Variants in CDH12 observed in about 807,000 individuals in gnomAD.
CDH12 encodes the protein cadherin-12.
In CDH12, 41 loss-of-function variants were observed where a neutral mutation model predicts 74.1. The ratio of observed to expected loss-of-function variants is 0.55; its 90% CI spans 0.43 to 0.72. The LOEUF (loss-of-function observed/expected upper bound fraction) is 0.72, where lower values mean the gene tolerates loss of function less well. Among genes scored for constraint, CDH12 ranks in the 30% least tolerant of loss-of-function variants. CDH12 has a pLI of 0.00. For missense variants in CDH12, 945 were observed against 977.2 expected, an observed-to-expected ratio of 0.97 and a Z score of 0.44; for synonymous variants, 399 against 355.0, an observed-to-expected ratio of 1.12 and a Z score of -1.39.
At chr5:22,538,774 CAGAAACCAAAATGTTTGAG>C (rs1300788459) in intron 1 of CDH12, among the ~76,000 whole-genome samples, 8 of 152,292 alleles carry the variant, frequency 5.3e-5, no homozygotes, top group South Asian at 2.1e-4. Context: ...TGATTGTGTT[CAGAAACCAAAATGTTTGAG>C]AGTGGCCTTG....
At chr5:22,733,779 C>T (rs908787456) in intron 1 of CDH12, among the ~76,000 whole-genome samples, 3 of 151,828 alleles carry the variant, frequency 2.0e-5, no homozygotes, top group African/African-American at 4.8e-5. Flanking sequence ...TGACTTTACT[C>T]GACTAGTTAG....
chr5:22,252,564 A>C (rs1580449690), intron 3 of CDH12, among the ~76,000 whole-genome samples: 1 of 152,054 alleles, frequency 6.6e-6, no homozygotes, highest in South Asian at 2.1e-4. Flanking sequence ...ATATTACTTT[A>C]CCTCTCACAG....
chr5:22,354,115 A>C (rs557274727), intron 3 of CDH12, among the ~76,000 whole-genome samples: 2 of 152,290 alleles, frequency 1.3e-5, no homozygotes, highest in Non-Finnish European at 2.9e-5. Flanking sequence ...TTGAGTTCAG[A>C]GTTCAGAGAA....
chr5:22,492,906 A>G (rs1447148730), intron 2 of CDH12, among the ~76,000 whole-genome samples: 1 of 152,290 alleles, frequency 6.6e-6, no homozygotes. Context: ...GATCGCACAC[A>G]GAAGATCCAA....
At chr5:22,072,565 T>C (rs2150218385) in intron 5 of CDH12, among the ~76,000 whole-genome samples, 1 of 142,588 alleles carries the variant, frequency 7.0e-6, no homozygotes, top group East Asian at 2.0e-4. Flanking sequence ...TGTGTGTGTG[T>C]GTTTAGGCTT....
intron 5 of CDH12, among the ~76,000 whole-genome samples, chr5:22,017,224 C>T (rs1037190911): frequency 1.3e-5 from 2 of 152,072 alleles, no homozygotes; most frequent in African/African-American, 2.4e-5. Flanking sequence ...ACAGACCACC[C>T]TGAAGGCTTA....
At chr5:22,431,903 A>G (rs190823083) in intron 2 of CDH12, among the ~76,000 whole-genome samples, 25 of 152,328 alleles carry the variant, frequency 1.6e-4, no homozygotes, top group African/African-American at 5.5e-4. Flanking sequence ...AATTTTATAA[A>G]GTAAAGAAGG....
intron 1 of CDH12, among the ~76,000 whole-genome samples, chr5:22,717,116 A>G (rs1430296662): frequency 6.6e-6 from 1 of 152,130 alleles, no homozygotes; most frequent in East Asian, 1.9e-4. Flanking sequence ...CAGTGTTGAT[A>G]AAGTCTACAG....
At chr5:22,702,158 A>AG (rs1742746436) in intron 1 of CDH12, among the ~76,000 whole-genome samples, 1 of 152,156 alleles carries the variant, frequency 6.6e-6, no homozygotes, top group Non-Finnish European at 1.5e-5. Flanking sequence ...GCATGAGGCC[A>AG]GGGGTTGCCT....
chr5:22,521,148 G>C (rs930615479), intron 1 of CDH12, among the ~76,000 whole-genome samples: 6 of 151,860 alleles, frequency 4.0e-5, no homozygotes, highest in Non-Finnish European at 8.8e-5. Flanking sequence ...TGAAAGTGTT[G>C]TGTATCTTAT....
intron 6 of CDH12, among the ~76,000 whole-genome samples, chr5:21,922,073 C>T (rs1383367383): frequency 6.6e-6 from 1 of 152,136 alleles, no homozygotes; most frequent in African/African-American, 2.4e-5. Flanking sequence ...AGAAACGTCT[C>T]TGTGATTTCC....
chr5:21,938,008 C>A (rs534013000), intron 6 of CDH12, among the ~76,000 whole-genome samples: 3 of 152,290 alleles, frequency 2.0e-5, no homozygotes, highest in African/African-American at 7.2e-5. Context: ...GCCTGTTGTT[C>A]AGGGTTCCTT....
intron 1 of CDH12, among the ~76,000 whole-genome samples, chr5:22,722,397 C>A (rs1743945795): frequency 6.6e-6 from 1 of 152,184 alleles, no homozygotes; most frequent in East Asian, 1.9e-4. Flanking sequence ...TATTTAAAAA[C>A]TACTATATGG....
chr5:22,386,192 G>T (rs1317581516), intron 3 of CDH12, among the ~76,000 whole-genome samples: 2 of 151,878 alleles, frequency 1.3e-5, no homozygotes, highest in Non-Finnish European at 2.9e-5. Context: ...GCGCCCGGCC[G>T]GCTATACACT....
intron 11 of CDH12, among the ~76,000 whole-genome samples, chr5:21,773,397 A>C (rs373853010): frequency 3.9e-5 from 6 of 152,298 alleles, no homozygotes; most frequent in Non-Finnish European, 1.5e-5. Flanking sequence ...AGGATAAAAG[A>C]AGGCAGAAGA....
chr5:21,842,735 T>C (rs1749942048), intron 7 of CDH12, among the ~76,000 whole-genome samples: 1 of 152,212 alleles, frequency 6.6e-6, no homozygotes, highest in Non-Finnish European at 1.5e-5. Flanking sequence ...TTCCAATTAT[T>C]ACTACTTTCT....
At chr5:22,150,387 T>C (rs1489450680) in intron 4 of CDH12, among the ~76,000 whole-genome samples, 1 of 152,110 alleles carries the variant, frequency 6.6e-6, no homozygotes, top group Non-Finnish European at 1.5e-5. Context: ...CATAATATAA[T>C]ATCCTTATGG....
chr5:22,720,535 A>G (rs1329227838), intron 1 of CDH12, among the ~76,000 whole-genome samples: 4 of 152,150 alleles, frequency 2.6e-5, no homozygotes, highest in Non-Finnish European at 5.9e-5. Flanking sequence ...ATAACCTGAA[A>G]TGTGGAAGTG....
chr5:22,807,407 C>CAT (rs1251185435), intron 1 of CDH12, among the ~76,000 whole-genome samples: 2 of 152,126 alleles, frequency 1.3e-5, no homozygotes, highest in African/African-American at 4.8e-5. Context: ...AATTAAATCT[C>CAT]ATATATAAGA....
Sources: gnomAD v4.1 joint callset for allele counts (sites outside exome capture counted in the v4.1 genomes callset) on GRCh38, gnomAD v4.1.1 for gene constraint, MANE v1.5 for transcripts, NCBI Gene and HGNC (gene_info 2026-07-23, HGNC 2026-07-21) for gene names.